Variants in INSL6 observed in about 807,000 individuals in gnomAD.
INSL6 encodes the protein insulin-like peptide INSL6.
Under a neutral mutation model 9.4 loss-of-function variants are expected in INSL6, and 16 were observed. The observed-to-expected ratio is 1.70, with a 90% confidence interval of 1.15 to 2.59. The LOEUF is 2.59. INSL6 is among the 30% of genes most tolerant of loss of function. The pLI is 0.00. For synonymous variants in INSL6, 154 were observed against 96.9 expected, an observed-to-expected ratio of 1.59 and a Z score of -3.46; for missense variants, 391 against 257.3, an observed-to-expected ratio of 1.52 and a Z score of -3.56.
chr9:4,992,864 C>T, the INSL6 span, among the ~76,000 whole-genome samples: 1 of 152,272 alleles, frequency 6.6e-6, no homozygotes. Flanking sequence ...TTGCCAGTTC[C>T]TTGATTAGGT....
chr9:5,087,203 T>G, the INSL6 span, among the ~76,000 whole-genome samples: 1 of 152,196 alleles, frequency 6.6e-6, no homozygotes, highest in Non-Finnish European at 1.5e-5. Context: ...TGACTGACAG[T>G]TACCCATGGC....
the INSL6 span, among the ~76,000 whole-genome samples, chr9:5,065,889 T>C: frequency 6.6e-6 from 1 of 152,164 alleles, no homozygotes; most frequent in Admixed American, 6.5e-5. Flanking sequence ...AAAGAGTTGA[T>C]TTAGTCTATG....
At chr9:5,143,709 G>A (rs1364674192) in intron 2 of INSL6, among the ~76,000 whole-genome samples, 3 of 151,104 alleles carry the variant, frequency 2.0e-5, no homozygotes, top group Middle Eastern at 6.3e-3. Context: ...GCCCAGGCTG[G>A]AGTGCAGTGG....
chr9:5,063,618 A>G, the INSL6 span, among the ~76,000 whole-genome samples: 1 of 152,090 alleles, frequency 6.6e-6, no homozygotes, highest in Non-Finnish European at 1.5e-5. Context: ...TTTAGAGAGG[A>G]TTTTTACATT....
chr9:5,142,628 T>TCGG (rs1824524244), intron 2 of INSL6, among the ~76,000 whole-genome samples: 6 of 152,190 alleles, frequency 3.9e-5, no homozygotes, highest in African/African-American at 1.4e-4. Context: ...TTTCCAGATA[T>TCGG]AGGATCGTGT....
chr9:5,111,164 A>G, the INSL6 span: 21 of 763,464 alleles, frequency 2.8e-5, no homozygotes, highest in African/African-American at 2.8e-4. Context: ...GCTGAGTCGC[A>G]CGGCAGCCAC....
At chr9:5,110,941 G>A in the INSL6 span, 8 of 584,322 alleles carry the variant, frequency 1.4e-5, no homozygotes, top group East Asian at 1.7e-4. Flanking sequence ...GATGGCATCC[G>A]TGGACACGGA....
intron 2 of INSL6, among the ~76,000 whole-genome samples, chr9:5,142,750 G>T (rs199635260): frequency 6.6e-6 from 1 of 152,078 alleles, no homozygotes; most frequent in Non-Finnish European, 1.5e-5. Flanking sequence ...ATAGGAGTGG[G>T]GAGAGAGGGC....
At chr9:5,152,870 G>C (rs1183781468) in intron 2 of INSL6, among the ~76,000 whole-genome samples, 2 of 152,146 alleles carry the variant, frequency 1.3e-5, no homozygotes, top group Non-Finnish European at 2.9e-5. Context: ...ATTGGGACTG[G>C]TTAGAGAGTG....
chr9:5,146,793 G>C (rs1348154904), intron 2 of INSL6, among the ~76,000 whole-genome samples: 1 of 152,156 alleles, frequency 6.6e-6, no homozygotes, highest in Non-Finnish European at 1.5e-5. Context: ...CTTCAGTATG[G>C]GGATGAAATG....
chr9:5,069,980 A>G, the INSL6 span: 2 of 1,608,298 alleles, frequency 1.2e-6, no homozygotes, highest in Non-Finnish European at 1.7e-6. Context: ...TACCAACCTC[A>G]CCAACATTAC....
At chr9:5,001,121 T>G in the INSL6 span, among the ~76,000 whole-genome samples, 4 of 152,226 alleles carry the variant, frequency 2.6e-5, no homozygotes, top group Non-Finnish European at 4.4e-5. Flanking sequence ...TCAGCATTTT[T>G]GATAAATACA....
At chr9:5,060,639 C>T in the INSL6 span, among the ~76,000 whole-genome samples, 1 of 152,094 alleles carries the variant, frequency 6.6e-6, no homozygotes. Context: ...CTATTTCTAC[C>T]ACATCCTAGT....
At chr9:5,031,506 G>GATTA in the INSL6 span, among the ~76,000 whole-genome samples, 1 of 152,124 alleles carries the variant, frequency 6.6e-6, no homozygotes, top group Non-Finnish European at 1.5e-5. Context: ...TAGAATAGTT[G>GATTA]ATTAGCTGTT....
the INSL6 span, chr9:5,085,546 A>G: frequency 1.4e-6 from 1 of 705,554 alleles, no homozygotes; most frequent in East Asian, 2.6e-5. Flanking sequence ...AACTCGGGTT[A>G]AAATAGATAT....
At chr9:5,166,339 G>T (rs978350385) in intron 1 of INSL6, among the ~76,000 whole-genome samples, 3 of 151,860 alleles carry the variant, frequency 2.0e-5, no homozygotes, top group African/African-American at 7.3e-5. Flanking sequence ...AGGTTATTTA[G>T]GTGAATCTAT....
intron 1 of INSL6, among the ~76,000 whole-genome samples, chr9:5,171,420 G>A (rs1282425216): frequency 6.6e-6 from 1 of 152,110 alleles, no homozygotes; most frequent in East Asian, 1.9e-4. Flanking sequence ...TTGAAAACTG[G>A]CCCAAGTTAA....
At chr9:5,071,878 C>T in the INSL6 span, among the ~76,000 whole-genome samples, 3 of 152,128 alleles carry the variant, frequency 2.0e-5, no homozygotes, top group Non-Finnish European at 4.4e-5. Flanking sequence ...TCAACAATTA[C>T]TTTGTAAAGA....
the INSL6 span, among the ~76,000 whole-genome samples, chr9:5,047,465 G>A: frequency 6.6e-6 from 1 of 152,128 alleles, no homozygotes; most frequent in Non-Finnish European, 1.5e-5. Flanking sequence ...CAAATAAACT[G>A]CTGACATGTG....
Sources: gnomAD v4.1 joint callset for allele counts (sites outside exome capture counted in the v4.1 genomes callset) on GRCh38, gnomAD v4.1.1 for gene constraint, MANE v1.5 for transcripts, NCBI Gene and HGNC (gene_info 2026-07-23, HGNC 2026-07-21) for gene names.